The following MEMO1 variants were observed in gnomAD, a reference collection of about 807,000 sequenced individuals.
MEMO1 encodes the protein mediator of cell motility 1, also known as protein MEMO1.
In MEMO1, 6 loss-of-function variants were observed where a neutral mutation model predicts 45.2. The ratio of observed to expected loss-of-function variants is 0.13; its 90% CI spans 0.07 to 0.26. The LOEUF is 0.26. Ranked by LOEUF, MEMO1 falls within the 10% of genes least tolerant of loss-of-function variation. The probability of loss-of-function intolerance (pLI) is 1.00; values close to 1 mark genes in which losing one functional copy is unlikely to be tolerated. For missense variants in MEMO1, 184 were observed against 370.5 expected (o/e 0.50, Z 4.13); for synonymous variants, 78 against 124.3 (o/e 0.63, Z 2.48).
chr2:31,916,161 T>C (rs1681405684), intron 6 of MEMO1, among the ~76,000 whole-genome samples: 2 of 152,204 alleles, frequency 1.3e-5, no homozygotes, highest in African/African-American at 2.4e-5. Context: ...AAAATAACAA[T>C]AAAAATGTTA....
chr2:31,994,333 A>G (rs536163346), intron 2 of MEMO1, among the ~76,000 whole-genome samples: 2 of 151,960 alleles, frequency 1.3e-5, no homozygotes, highest in East Asian at 3.9e-4. Flanking sequence ...GGCATCCAAT[A>G]AAAATTAATA....
At position 31,940,958 on chromosome 2, in the gene MEMO1, T is replaced by TC. The variant is rs925535506; in HGVS notation, c.143+2343dup. Among the ~76,000 whole-genome samples the TC allele has an allele frequency of 3.3e-5, 5 of 152,324 alleles. No homozygotes were observed. The South Asian group carries it at 6.2e-4, about 19-fold the overall frequency. On this transcript the variant is annotated intron_variant, in intron 3 of 9. Transcript: ENST00000404530. Reference sequence around the variant, plus strand: ...ATCCAAGCCACTATGTCATCTCTTTTCTATAATTATAATTGTAAAATAAGC... The same window carrying TC: ...ATCCAAGCCACTATGTCATCTCTTTTCCTATAATTATAATTGTAAAATAAGC...
At chr2:31,897,754 CTCT>C (rs1300771437) in intron 6 of MEMO1, among the ~76,000 whole-genome samples, 1 of 152,126 alleles carries the variant, frequency 6.6e-6, no homozygotes, top group Non-Finnish European at 1.5e-5. Flanking sequence ...GGAGGAACCC[CTCT>C]TTTTCCATTA....
chr2:31,914,578 C>T (rs556504262), intron 6 of MEMO1, among the ~76,000 whole-genome samples: 1 of 152,116 alleles, frequency 6.6e-6, no homozygotes, highest in Non-Finnish European at 1.5e-5. Context: ...CACTGCATGA[C>T]CGTATCAAAA....
chr2:31,996,726 C>T (rs1351623406), intron 2 of MEMO1, among the ~76,000 whole-genome samples: 1 of 152,092 alleles, frequency 6.6e-6, no homozygotes, highest in African/African-American at 2.4e-5. Context: ...CCCATAACTA[C>T]AGAAAACATA....
intron 2 of MEMO1, among the ~76,000 whole-genome samples, chr2:31,959,347 C>A (rs1481992259): frequency 6.6e-6 from 1 of 151,826 alleles, no homozygotes; most frequent in Non-Finnish European, 1.5e-5. Flanking sequence ...GGTACTTGGG[C>A]AGAGAAGTAA....
intron 2 of MEMO1, among the ~76,000 whole-genome samples, chr2:31,984,616 A>G (rs1264412176): frequency 6.6e-6 from 1 of 152,194 alleles, no homozygotes; most frequent in Non-Finnish European, 1.5e-5. Context: ...CCTGGCTAAC[A>G]CGGTGAAACC....
intron 5 of MEMO1, 34 bp downstream of exon 5, chr2:31,920,764 C>T: frequency 2.5e-6 from 3 of 1,217,922 alleles, no homozygotes; most frequent in Non-Finnish European, 3.4e-6. Flanking sequence ...AGAACATTAG[C>T]TATTTGAAAG....
At chr2:31,927,875 C>T (rs1313187091) in intron 4 of MEMO1, among the ~76,000 whole-genome samples, 1 of 151,976 alleles carries the variant, frequency 6.6e-6, no homozygotes, top group African/African-American at 2.4e-5. Flanking sequence ...GTTTGAGAAC[C>T]ACTGTATTTC....
intron 4 of MEMO1, among the ~76,000 whole-genome samples, chr2:31,925,488 A>AAAAAAAAAAAG: frequency 1.0e-5 from 1 of 95,328 alleles, no homozygotes; most frequent in African/African-American, 2.8e-5. Context: ...AAAAAAAAAA[A>AAAAAAAAAAAG]AAAAAAAAAA....
At chr2:31,951,981 GTTGT>G (rs1195747292) in intron 2 of MEMO1, among the ~76,000 whole-genome samples, 2 of 152,120 alleles carry the variant, frequency 1.3e-5, no homozygotes, top group Admixed American at 1.3e-4. Context: ...CTCAAAGGAT[GTTGT>G]TTGTTTTTAT....
chr2:31,943,509 G>A lies in MEMO1; in HGVS notation c.62-126C>T, dbSNP rs903982455. On this transcript the variant is annotated intron_variant, in intron 2 of 9. Coordinates refer to ENST00000404530, the MANE Select transcript of MEMO1 (RefSeq NM_001301833.4). ...AGCTTAATGCGCAATAGGATCATCA[G>A]TTGGGATGTTAATGTTTGAATTTAC... is the stretch of plus-strand genomic sequence containing the variant. 10 of 716,510 alleles carry A rather than the reference G, an allele frequency of 1.4e-5. No homozygotes were observed. In the African/African-American group the frequency reaches 1.8e-4, roughly 13 times the overall value. 44.4% of individuals were successfully genotyped at this position (716,510 alleles called of 1,614,324 possible).
intron 7 of MEMO1, among the ~76,000 whole-genome samples, chr2:31,891,524 G>A (rs1210073152): frequency 6.6e-6 from 1 of 151,640 alleles, no homozygotes; most frequent in Non-Finnish European, 1.5e-5. Context: ...TTAAACTGAT[G>A]GCAATTGTGA....
At chr2:31,980,911 A>C (rs1385657484) in intron 2 of MEMO1, among the ~76,000 whole-genome samples, 1 of 152,238 alleles carries the variant, frequency 6.6e-6, no homozygotes. Context: ...TAAATCAGGA[A>C]GAGCCAGCAG....
At chr2:31,998,003 G>A (rs1167517829) in intron 2 of MEMO1, among the ~76,000 whole-genome samples, 1 of 152,124 alleles carries the variant, frequency 6.6e-6, no homozygotes, top group Non-Finnish European at 1.5e-5. Context: ...ATGCTGAGAT[G>A]TCTTCAACTT....
intron 6 of MEMO1, among the ~76,000 whole-genome samples, chr2:31,910,729 G>T (rs915178300): frequency 1.1e-4 from 16 of 152,200 alleles, no homozygotes; most frequent in Admixed American, 4.6e-4. Context: ...GCATGGTGGT[G>T]CATGTCTGTA....
chr2:31,989,211 A>C (rs1234502333), intron 2 of MEMO1, among the ~76,000 whole-genome samples: 1 of 151,476 alleles, frequency 6.6e-6, no homozygotes, highest in Non-Finnish European at 1.5e-5. Flanking sequence ...CTGGGCAACA[A>C]GAGCAAAACT....
At chr2:31,885,935 AC>A (rs1233287328) in intron 7 of MEMO1, among the ~76,000 whole-genome samples, 1 of 152,230 alleles carries the variant, frequency 6.6e-6, no homozygotes, top group Non-Finnish European at 1.5e-5. Flanking sequence ...AAAAGTCTAT[AC>A]TTTAAATTGC....
intron 4 of MEMO1, among the ~76,000 whole-genome samples, chr2:31,926,592 T>C (rs1056494882): frequency 5.3e-5 from 8 of 152,142 alleles, no homozygotes; most frequent in Admixed American, 3.9e-4. Context: ...CTCACGCATG[T>C]AATCCCAGCA....
Sources: allele counts gnomAD v4.1 joint callset (sites outside exome capture counted in the v4.1 genomes callset), GRCh38; gene constraint gnomAD v4.1.1; transcripts MANE v1.5; gene names NCBI Gene and HGNC (gene_info 2026-07-23, HGNC 2026-07-21).